TUSC3: variants seen among roughly 807,000 people sequenced by gnomAD.
TUSC3 encodes the protein tumor suppressor candidate 3.
TUSC3 carries 45 observed loss-of-function variants against 44.8 expected under a neutral mutation model. That is an observed-to-expected ratio of 1.00 (90% CI 0.79 to 1.29). The LOEUF (loss-of-function observed/expected upper bound fraction) is 1.29, where lower values mean the gene tolerates loss of function less well. Among genes scored for constraint, TUSC3 ranks in the 50% most tolerant of loss-of-function variants. TUSC3 has a pLI of 0.00. For missense variants in TUSC3, 519 were observed against 437.9 expected (o/e 1.19, Z -1.65); for synonymous variants, 212 against 152.9 (o/e 1.39, Z -2.85).
At chr8:15,645,624 T>C (rs573112097) in intron 2 of TUSC3, among the ~76,000 whole-genome samples, 8 of 152,250 alleles carry the variant, frequency 5.3e-5, no homozygotes, top group East Asian at 1.9e-4. Flanking sequence ...GCAGTACATA[T>C]GAAAATGTTG....
intron 1 of TUSC3, among the ~76,000 whole-genome samples, chr8:15,449,542 G>T (rs1454745433): frequency 1.3e-5 from 2 of 152,134 alleles, no homozygotes; most frequent in Non-Finnish European, 2.9e-5. Context: ...AAAATCAGTG[G>T]TGGAGGACTT....
chr8:15,521,736 G>C (rs1451837958), intron 2 of TUSC3, among the ~76,000 whole-genome samples: 1 of 152,156 alleles, frequency 6.6e-6, no homozygotes. Flanking sequence ...GGCCTTCTGA[G>C]GCACTTTATG....
At chr8:15,762,609 G>A (rs76975106) in intron 10 of TUSC3, among the ~76,000 whole-genome samples, 2 of 152,010 alleles carry the variant, frequency 1.3e-5, no homozygotes, top group Non-Finnish European at 2.9e-5. Context: ...GAAATCTGCA[G>A]AGCCTTTAAA....
chr8:15,625,142 AC>A (rs1262836499), intron 2 of TUSC3, among the ~76,000 whole-genome samples: 1 of 152,128 alleles, frequency 6.6e-6, no homozygotes, highest in Non-Finnish European at 1.5e-5. Flanking sequence ...ATAATCAGTT[AC>A]ATTGATTGAT....
At position 15,540,331 on chromosome 8, in the gene TUSC3, C is replaced by T. The variant is rs1380034076; in HGVS notation, c.-100C>T. 10 of 1,368,972 alleles carry T rather than the reference C, an allele frequency of 7.3e-6. No homozygotes were observed. The highest frequency in any genetic ancestry group is 3.8e-6 in the Non-Finnish European group (4 of 1,061,468). 84.8% of individuals were successfully genotyped at this position (1,368,972 alleles called of 1,614,324 possible). On this transcript the variant is annotated 5_prime_UTR_variant, in exon 1 of 11. Transcript: ENST00000503731. The stretch of plus-strand genomic sequence containing the variant: ...AAAGCCGCTGCCATCCCGGAGGGCC[C>T]AGCCAGCGGGCTCCCGGAGGCTGGC...
chr8:15,437,201 T>G (rs999534304), intron 1 of TUSC3, among the ~76,000 whole-genome samples: 1 of 152,176 alleles, frequency 6.6e-6, no homozygotes, highest in African/African-American at 2.4e-5. Flanking sequence ...TTGTATTACA[T>G]GAACAAAGAA....
At chr8:15,624,128 G>A (rs928132432) in intron 2 of TUSC3, among the ~76,000 whole-genome samples, 2 of 152,044 alleles carry the variant, frequency 1.3e-5, no homozygotes, top group Non-Finnish European at 2.9e-5. Context: ...AAAAAAATAC[G>A]TCCAAGTTGT....
At chr8:15,592,726 T>C (rs1427575210) in intron 1 of TUSC3, among the ~76,000 whole-genome samples, 1 of 152,196 alleles carries the variant, frequency 6.6e-6, no homozygotes, top group Non-Finnish European at 1.5e-5. Context: ...ATTTTAGATA[T>C]TCCTTTATAG....
intron 1 of TUSC3, among the ~76,000 whole-genome samples, chr8:15,615,662 A>T (rs1220651691): frequency 1.3e-5 from 2 of 152,172 alleles, no homozygotes; most frequent in Admixed American, 6.6e-5. Flanking sequence ...TTGAGGTGAT[A>T]CATATTCTAA....
the TUSC3 span, among the ~76,000 whole-genome samples, chr8:15,828,212 C>T: frequency 2.0e-5 from 3 of 152,106 alleles, no homozygotes; most frequent in Non-Finnish European, 2.9e-5. Context: ...TCAGGCTGGT[C>T]GCGAACTCCC....
At chr8:15,538,163 C>T (rs1801551985), upstream of TUSC3, among the ~76,000 whole-genome samples, 1 of 152,182 alleles carries the variant, frequency 6.6e-6, no homozygotes, top group Non-Finnish European at 1.5e-5. Context: ...AGGTAAATGC[C>T]TTATTACACC....
intron 2 of TUSC3, among the ~76,000 whole-genome samples, chr8:15,638,588 A>G (rs1450027201): frequency 7.9e-6 from 1 of 126,910 alleles, no homozygotes; most frequent in Non-Finnish European, 1.5e-5. Context: ...CAGTGGCATG[A>G]TCTCTGCTCA....
At chr8:15,746,707 A>C (rs1486740703) in intron 8 of TUSC3, among the ~76,000 whole-genome samples, 1 of 152,114 alleles carries the variant, frequency 6.6e-6, no homozygotes, top group East Asian at 1.9e-4. Context: ...AAAGGAGCAA[A>C]GGGAATGAAA....
chr8:15,719,392 A>G (rs1810203094), intron 6 of TUSC3, among the ~76,000 whole-genome samples: 1 of 151,610 alleles, frequency 6.6e-6, no homozygotes, highest in Non-Finnish European at 1.5e-5. Context: ...CCTTCTTCCT[A>G]TTTAAATTGC....
chr8:15,807,564 T>C, the TUSC3 span, among the ~76,000 whole-genome samples: 2 of 152,178 alleles, frequency 1.3e-5, no homozygotes, highest in Admixed American at 1.3e-4. Flanking sequence ...AAAAGACATA[T>C]ACTTTTATGT....
At chr8:15,477,758 T>A (rs1313944915) in intron 1 of TUSC3, among the ~76,000 whole-genome samples, 1 of 152,046 alleles carries the variant, frequency 6.6e-6, no homozygotes, top group African/African-American at 2.4e-5. Flanking sequence ...AGAAATATAT[T>A]TGTGTATACA....
At chr8:15,421,784 C>A (rs1799740766) in intron 1 of TUSC3, among the ~76,000 whole-genome samples, 1 of 152,036 alleles carries the variant, frequency 6.6e-6, no homozygotes, top group Non-Finnish European at 1.5e-5. Context: ...GGATCATAGA[C>A]CTAATGTGGC....
the TUSC3 span, among the ~76,000 whole-genome samples, chr8:15,846,722 G>A: frequency 1.3e-5 from 2 of 152,100 alleles, no homozygotes; most frequent in Admixed American, 1.3e-4. Flanking sequence ...CCTGTGGTGG[G>A]GTGAAGGGCT....
chr8:15,525,218 C>T (rs1801357328), intron 2 of TUSC3, among the ~76,000 whole-genome samples: 1 of 152,156 alleles, frequency 6.6e-6, no homozygotes, highest in African/African-American at 2.4e-5. Context: ...CCCTTCTTTT[C>T]CTCTATACCT....
Sources: allele counts gnomAD v4.1 joint callset (sites outside exome capture counted in the v4.1 genomes callset), GRCh38; gene constraint gnomAD v4.1.1; transcripts MANE v1.5; gene names NCBI Gene and HGNC (gene_info 2026-07-23, HGNC 2026-07-21).